Variants in LAMC2 observed in about 807,000 individuals in gnomAD.
LAMC2 encodes laminin subunit gamma-2.
LAMC2 carries 97 observed loss-of-function variants against 140.2 expected under a neutral mutation model. The ratio of observed to expected loss-of-function variants is 0.69; its 90% confidence interval spans 0.59 to 0.82. LAMC2 has a LOEUF of 0.82. Among genes scored for constraint, LAMC2 ranks in the 40% least tolerant of loss-of-function variants. The pLI, the probability that LAMC2 is intolerant of heterozygous loss-of-function variation, is 0.00. For missense variants in LAMC2, 1,402 were observed against 1,476.1 expected (o/e 0.95, Z 0.82); for synonymous variants, 513 against 540.2 (o/e 0.95, Z 0.70).
intron 22 of LAMC2, among the ~76,000 whole-genome samples, chr1:183,242,519 A>G (rs1355281709): frequency 6.6e-6 from 1 of 152,252 alleles, no homozygotes; most frequent in Non-Finnish European, 1.5e-5. Context: ...GTCTAAGGGT[A>G]ACACATGCTT....
At position 183,226,766 on chromosome 1, in the gene LAMC2, G is replaced by A; in HGVS notation, c.1135G>A (p.Val379Ile). ...RPVSGAPAPW[V>I]EQCICPVGYK... ...TGTCTCTGGAGCCCCAGCACCCTGGGTTGAACAGTGTATATGTCCTGTTGG... is the reference window on the plus strand; with the variant it reads ...TGTCTCTGGAGCCCCAGCACCCTGGATTGAACAGTGTATATGTCCTGTTGG... Residue 379 changes from valine to isoleucine, a missense_variant, in exon 9 of 23, where the codon GTT (valine) becomes ATT (isoleucine). By Grantham distance (29) the Val-to-Ile change is conservative. Transcript: ENST00000264144. 4 of 1,614,248 alleles carry A rather than the reference G, an allele frequency of 2.5e-6. No homozygotes were observed. Among genetic ancestry groups the A allele is most frequent in the Non-Finnish European group, 3.4e-6 (4 of 1,180,046 alleles).
chr1:183,238,173 G>A (rs1660021689), intron 18 of LAMC2, 134 bp from the exon 19 acceptor site: 2 of 696,924 alleles, frequency 2.9e-6, no homozygotes, highest in Non-Finnish European at 5.2e-6. Context: ...CCAGATTGTA[G>A]AGGGGTTTGC....
Position 183,228,333 on chromosome 1 carries a change from G to T in LAMC2, c.1469-41G>T. ...GGCCTCTGCGTCTGGTCTTCCTCCT[G>T]ATGGATGTCGACCTAGGCTTGGTCA... On this transcript the variant is annotated intron_variant, in intron 10 of 22. Transcript: ENST00000264144. This position sits in a 1 kb window ranked among gnomAD's most constrained non-coding sequence, Gnocchi z 4.3. 1 of 1,613,998 alleles carries T rather than the reference G, an allele frequency of 6.2e-7. No individual in the cohort carries two copies. Among genetic ancestry groups the T allele is most frequent in the South Asian group, 1.1e-5 (1 of 91,010 alleles).
Position 183,244,275 on chromosome 1 carries a change from G to T in LAMC2, c.*875G>T, listed in dbSNP as rs10797863. 0.099 allele frequency: 15,013 copies of T among 152,108 alleles called. 861 individuals are homozygous for T. The highest frequency in any genetic ancestry group is 0.2 in the East Asian group (1,014 of 5,170). The allele number at this position is 152,108 out of a possible 1,614,324, so 9.4% of individuals were successfully genotyped here. A position where few individuals can be genotyped will look rare whatever the true frequency, so the allele number is the denominator to read the frequency against. ...ACTTTTCGAACACCAAAAATGATGC[G>T]CATCAATGTATTTTATCTTATTTTC... On this transcript the variant is annotated 3_prime_UTR_variant, in exon 23 of 23. Transcript: ENST00000264144.
At position 183,236,500 on chromosome 1, in the gene LAMC2, G is replaced by C. The variant is rs751177951; in HGVS notation, c.2497G>C (p.Glu833Gln). ...TKSLAQQLTR[E>Q]ATQAEIEADR... ...GTCCCTGGCCCAGCAGTTGACAAGG[G>C]AGGCCACTCAAGCGGAAATTGAAGC... Residue 833 changes from glutamate to glutamine, a missense_variant, in exon 17 of 23, where the codon GAG (glutamate) becomes CAG (glutamine). By Grantham distance (29) the Glu-to-Gln change is conservative. Coordinates refer to ENST00000264144, the MANE Select transcript of LAMC2 (RefSeq NM_005562.3). 1 of 1,614,040 alleles carries C rather than the reference G, an allele frequency of 6.2e-7. No homozygotes were observed. The highest frequency in any genetic ancestry group is 1.1e-5 in the South Asian group (1 of 91,064).
At chr1:183,235,499 C>G (rs777072566) in intron 15 of LAMC2, 76 bp from the exon 16 acceptor site, 2 of 1,524,898 alleles carry the variant, frequency 1.3e-6, no homozygotes, top group Non-Finnish European at 1.8e-6. Flanking sequence ...GTACTCTTTG[C>G]CCTTCGTGTA....
chr1:183,226,244 G>C (rs1385901423), intron 8 of LAMC2, among the ~76,000 whole-genome samples: 1 of 151,548 alleles, frequency 6.6e-6, no homozygotes, highest in Non-Finnish European at 1.5e-5. Flanking sequence ...ACCTAAAAAG[G>C]AAGCGTGGCT....
intron 1 of LAMC2, among the ~76,000 whole-genome samples, chr1:183,192,734 G>T (rs481023): frequency 0.26 from 39,373 of 152,040 alleles, 6,136 homozygotes; most frequent in East Asian, 0.43. Context: ...ATGGAGTCTT[G>T]TTCTGTCACC....
At chr1:183,222,658 G>A (rs758306635) in intron 6 of LAMC2, among the ~76,000 whole-genome samples, 1 of 151,354 alleles carries the variant, frequency 6.6e-6, no homozygotes, top group Admixed American at 6.6e-5. Flanking sequence ...ATCCCAGTTC[G>A]TTTCCTTAGC....
At chr1:183,217,575 G>A (rs1659313587) in intron 3 of LAMC2, among the ~76,000 whole-genome samples, 1 of 152,174 alleles carries the variant, frequency 6.6e-6, no homozygotes, top group Admixed American at 6.5e-5. Context: ...TTTATGTACT[G>A]ACACATACTA....
chr1:183,241,663 C>T (rs1028966390), intron 22 of LAMC2, among the ~76,000 whole-genome samples: 1 of 151,950 alleles, frequency 6.6e-6, no homozygotes, highest in Non-Finnish European at 1.5e-5. Context: ...CTGGATTTTT[C>T]TGTAGGGTGT....
intron 14 of LAMC2, among the ~76,000 whole-genome samples, chr1:183,233,709 A>G (rs1338182931): frequency 6.6e-6 from 1 of 152,148 alleles, no homozygotes; most frequent in Admixed American, 6.5e-5. Context: ...TCATATAAAA[A>G]ATGTACATGT....
intron 2 of LAMC2, among the ~76,000 whole-genome samples, chr1:183,212,268 C>T (rs933071569): frequency 6.6e-6 from 1 of 152,202 alleles, no homozygotes. Context: ...TGAGGGACTT[C>T]TATTTAACAT....
At chr1:183,249,215 A>C (rs199958731), downstream of LAMC2, 1 of 152,172 alleles carries the variant, frequency 6.6e-6, no homozygotes, top group Non-Finnish European at 1.5e-5. Flanking sequence ...ACATTCAAGG[A>C]AAATGAAAGC....
At chr1:183,199,039 A>T (rs1286521571) in intron 1 of LAMC2, among the ~76,000 whole-genome samples, 1 of 151,846 alleles carries the variant, frequency 6.6e-6, no homozygotes, top group Non-Finnish European at 1.5e-5. Context: ...GGGAAATTTG[A>T]AAGTAGGCTT....
chr1:183,221,215 C>T lies in LAMC2; in HGVS notation c.640+254C>T, dbSNP rs144487309. Among the ~76,000 whole-genome samples, 491 of 152,210 alleles carry T rather than the reference C, an allele frequency of 3.2e-3. 2 individuals carry two copies. The highest frequency in any genetic ancestry group is 0.011 in the African/African-American group (477 of 41,528). ...AAAAAGAGACTAGATTTTTATTTCC[C>T]TGAATTTTCCATCCCCATCTATTTC... On this transcript the variant is annotated intron_variant, in intron 5 of 22. Transcript: ENST00000264144.
At chr1:183,211,001 C>T (rs1324303646) in intron 2 of LAMC2, among the ~76,000 whole-genome samples, 1 of 152,204 alleles carries the variant, frequency 6.6e-6, no homozygotes, top group Non-Finnish European at 1.5e-5. Flanking sequence ...ACAGGGAAAT[C>T]TGTTGTATAT....
intron 14 of LAMC2, among the ~76,000 whole-genome samples, chr1:183,233,338 GGGAAGGAA>G (rs57892666): frequency 6.6e-6 from 1 of 151,974 alleles, no homozygotes; most frequent in Non-Finnish European, 1.5e-5. Flanking sequence ...GAAGAGAGTA[GGGAAGGAA>G]GGAAGGAAGG....
intron 1 of LAMC2, among the ~76,000 whole-genome samples, chr1:183,191,232 C>T (rs1658320900): frequency 6.6e-6 from 1 of 151,834 alleles, no homozygotes; most frequent in South Asian, 2.1e-4. Flanking sequence ...AAAATTAAAA[C>T]CTCTACCTTA....
Sources: gnomAD v4.1 joint callset for allele counts (sites outside exome capture counted in the v4.1 genomes callset) on GRCh38, gnomAD v4.1.1 for gene constraint, Gnocchi (gnomAD v3.1) non-coding constraint, MANE v1.5 for transcripts, NCBI Gene and HGNC (gene_info 2026-07-23, HGNC 2026-07-21) for gene names.